LRRC37A2: variants seen among roughly 807,000 people sequenced by gnomAD.
LRRC37A2 encodes the protein leucine rich repeat containing 37 member A2.
Under a neutral mutation model 68.8 loss-of-function variants are expected in LRRC37A2, and 9 were observed. The observed-to-expected ratio is 0.13, with a 90% CI of 0.08 to 0.23. LRRC37A2 has a LOEUF of 0.23. LRRC37A2 is among the 10% of genes least tolerant of loss of function. The pLI is 1.00. For missense variants in LRRC37A2, 168 were observed against 950.4 expected, an observed-to-expected ratio of 0.18 and a Z score of 10.82; for synonymous variants, 63 against 367.6, an observed-to-expected ratio of 0.17 and a Z score of 9.48.
At chr17:46,801,578 C>T in the LRRC37A2 span, among the ~76,000 whole-genome samples, 1 of 125,086 alleles carries the variant, frequency 8.0e-6, no homozygotes, top group African/African-American at 3.0e-5. Context: ...TGTGATTGCG[C>T]CATTACACTC....
the LRRC37A2 span, among the ~76,000 whole-genome samples, chr17:46,893,690 G>A: frequency 1.7e-4 from 26 of 152,106 alleles, no homozygotes; most frequent in Non-Finnish European, 3.5e-4. Flanking sequence ...TGAGTTCCAA[G>A]CTGAGGTTGG....
chr17:46,878,455 G>C, the LRRC37A2 span, among the ~76,000 whole-genome samples: 1 of 152,226 alleles, frequency 6.6e-6, no homozygotes, highest in South Asian at 2.1e-4. Flanking sequence ...ATTTTTGACT[G>C]CAGAGGCCCG....
the LRRC37A2 span, chr17:46,938,655 G>C: frequency 1.2e-6 from 2 of 1,614,126 alleles, no homozygotes; most frequent in Non-Finnish European, 1.7e-6. Flanking sequence ...CCAACACAGT[G>C]ATGCGGCTCA....
the LRRC37A2 span, chr17:47,018,536 T>C: frequency 2.0e-6 from 3 of 1,520,454 alleles, no homozygotes; most frequent in Middle Eastern, 6.1e-4. Context: ...CAGGTAATGA[T>C]GTAGAACCTC....
the LRRC37A2 span, among the ~76,000 whole-genome samples, chr17:46,720,756 C>G: frequency 9.2e-5 from 14 of 152,238 alleles, no homozygotes; most frequent in African/African-American, 3.4e-4. Context: ...GTACTTCACG[C>G]CAAGTACTTC....
At chr17:46,935,981 G>GT in the LRRC37A2 span, 3 of 985,808 alleles carry the variant, frequency 3.0e-6, no homozygotes, top group African/African-American at 5.2e-5. Flanking sequence ...CTTTATCTTA[G>GT]TTTTTGTTGG....
the LRRC37A2 span, among the ~76,000 whole-genome samples, chr17:46,772,502 G>A: frequency 6.6e-6 from 1 of 152,246 alleles, no homozygotes; most frequent in Non-Finnish European, 1.5e-5. Context: ...GGAAAGCGCT[G>A]AGACCAACAC....
chr17:46,814,721 C>A, the LRRC37A2 span, among the ~76,000 whole-genome samples: 1 of 152,230 alleles, frequency 6.6e-6, no homozygotes, highest in Non-Finnish European at 1.5e-5. Flanking sequence ...CTTCCTCCCC[C>A]GCAGTCTCCA....
chr17:46,939,779 C>T, the LRRC37A2 span: 1 of 987,364 alleles, frequency 1.0e-6, no homozygotes, highest in Non-Finnish European at 1.2e-6. Flanking sequence ...AACCTTTTTC[C>T]TTCTGTGACC....
chr17:46,818,733 G>GC, the LRRC37A2 span: 2 of 875,804 alleles, frequency 2.3e-6, no homozygotes, highest in Non-Finnish European at 3.7e-6. Flanking sequence ...ACCCGCAGCC[G>GC]CCCCCCTCCC....
chr17:46,609,143 C>T, the LRRC37A2 span, among the ~76,000 whole-genome samples: 50 of 147,578 alleles, frequency 3.4e-4, 4 homozygotes, highest in African/African-American at 1.3e-3. Flanking sequence ...TGACTAGGAG[C>T]GGGCAGTATG....
the LRRC37A2 span, among the ~76,000 whole-genome samples, chr17:46,906,089 G>A: frequency 2.6e-5 from 4 of 152,116 alleles, no homozygotes; most frequent in South Asian, 2.1e-4. Flanking sequence ...CCTGCCTGTC[G>A]TTCTCTTCCT....
the LRRC37A2 span, among the ~76,000 whole-genome samples, chr17:46,942,677 A>G: frequency 7.2e-5 from 11 of 152,220 alleles, no homozygotes. Flanking sequence ...GGGAATCTGA[A>G]GTGAAAGCTG....
the LRRC37A2 span, among the ~76,000 whole-genome samples, chr17:46,799,533 C>T: frequency 2.6e-5 from 4 of 151,634 alleles, no homozygotes; most frequent in South Asian, 2.1e-4. Context: ...CTGCAACCTC[C>T]GCCTCCCAGG....
the LRRC37A2 span, chr17:47,019,930 C>CTTG: frequency 1.4e-6 from 1 of 697,152 alleles, no homozygotes; most frequent in African/African-American, 1.8e-5. Flanking sequence ...TTCACCTTTG[C>CTTG]TTGTCAACTC....
At chr17:46,703,680 C>CAAAAAAAAAAA in the LRRC37A2 span, among the ~76,000 whole-genome samples, 1 of 37,716 alleles carries the variant, frequency 2.7e-5, no homozygotes, top group Non-Finnish European at 5.0e-5. Flanking sequence ...GACTCCGTCT[C>CAAAAAAAAAAA]AAAAAAAAAA....
At chr17:46,533,450 TTCA>T (rs1307726213) in intron 6 of LRRC37A2, among the ~76,000 whole-genome samples, 2 of 140,390 alleles carry the variant, frequency 1.4e-5, no homozygotes, top group African/African-American at 2.9e-5. Flanking sequence ...ATACCTTATG[TTCA>T]TCAACTAGAT....
chr17:46,832,385 CAG>C, the LRRC37A2 span, among the ~76,000 whole-genome samples: 1 of 129,160 alleles, frequency 7.7e-6, no homozygotes, highest in African/African-American at 3.1e-5. Context: ...ACACAAGACA[CAG>C]GGGGGAAAAG....
chr17:46,728,416 A>G, the LRRC37A2 span, among the ~76,000 whole-genome samples: 1 of 152,112 alleles, frequency 6.6e-6, no homozygotes, highest in African/African-American at 2.4e-5. Context: ...AAATAATCCC[A>G]GAAAAAACAT....
Sources: allele counts gnomAD v4.1 joint callset (sites outside exome capture counted in the v4.1 genomes callset), GRCh38; gene constraint gnomAD v4.1.1; transcripts MANE v1.5; gene names NCBI Gene and HGNC (gene_info 2026-07-23, HGNC 2026-07-21).